The following TBATA variants were observed in gnomAD, a reference collection of about 807,000 sequenced individuals.
TBATA encodes the protein protein TBATA.
TBATA carries 47 observed loss-of-function variants against 38.7 expected under a neutral mutation model. That is an observed-to-expected ratio of 1.21 (90% confidence interval 0.96 to 1.55). The LOEUF (loss-of-function observed/expected upper bound fraction) is 1.55, where lower values mean the gene tolerates loss of function less well. Ranked by LOEUF, TBATA falls within the 40% of genes most tolerant of loss-of-function variation. TBATA has a pLI of 0.00. For synonymous variants in TBATA, 183 were observed against 170.5 expected (o/e 1.07, Z -0.57); for missense variants, 436 against 435.6 (o/e 1.00, Z -0.01).
chr10:70,780,928 A>T (rs956177678), intron 4 of TBATA, among the ~76,000 whole-genome samples: 20 of 152,216 alleles, frequency 1.3e-4, no homozygotes, highest in African/African-American at 4.3e-4. Flanking sequence ...AGCCACACTT[A>T]AGACAGAGGC....
intron 6 of TBATA, chr10:70,777,661 T>C: frequency 2.5e-6 from 1 of 402,298 alleles, no homozygotes; most frequent in Non-Finnish European, 4.7e-6. Flanking sequence ...TGCCCGCGGG[T>C]GGTTCTCGTT....
chr10:70,773,858 A>G (rs1370875778), intron 9 of TBATA, among the ~76,000 whole-genome samples: 1 of 152,220 alleles, frequency 6.6e-6, no homozygotes, highest in Non-Finnish European at 1.5e-5. Flanking sequence ...TAGTACTGGT[A>G]TAAAACCACT....
intron 4 of TBATA, 148 bp downstream of exon 4, chr10:70,781,653 G>T: frequency 5.3e-6 from 4 of 751,466 alleles, no homozygotes; most frequent in Non-Finnish European, 8.8e-6. Flanking sequence ...AGCAGTCCTG[G>T]CTGGGTTCTT....
intron 4 of TBATA, 47 bp from the exon 5 acceptor site, chr10:70,779,789 A>C (rs764332307): frequency 6.7e-7 from 1 of 1,500,662 alleles, no homozygotes; most frequent in Non-Finnish European, 8.8e-7. Flanking sequence ...GGTGGACCTT[A>C]AGAGCTCCAG....
At chr10:70,783,218 C>T (rs886345145) in intron 3 of TBATA, 121 bp downstream of exon 3, 11 of 1,161,360 alleles carry the variant, frequency 9.5e-6, no homozygotes, top group Non-Finnish European at 1.4e-5. Context: ...AGCAGAAGTC[C>T]AGTAAGAACC....
At chr10:70,775,137 G>A (rs1215813224) in intron 8 of TBATA, 52 bp downstream of exon 8, 1 of 1,539,772 alleles carries the variant, frequency 6.5e-7, no homozygotes, top group Non-Finnish European at 9.0e-7. Flanking sequence ...GAGATCAAGG[G>A]CAGGACCTTG....
At chr10:70,778,801 C>T in intron 5 of TBATA, 165 bp from the exon 6 acceptor site, 2 of 699,414 alleles carry the variant, frequency 2.9e-6, no homozygotes, top group Non-Finnish European at 5.2e-6. Flanking sequence ...GATCTGGATT[C>T]ACACCATGGG....
intron 7 of TBATA, chr10:70,776,447 T>C (rs1276859245): frequency 4.4e-6 from 2 of 455,720 alleles, no homozygotes; most frequent in Non-Finnish European, 8.8e-6. Flanking sequence ...ACCTGGCCCA[T>C]GGACTATCAC....
chr10:70,779,527 A>G, intron 5 of TBATA, 66 bp downstream of exon 5: 1 of 1,423,450 alleles, frequency 7.0e-7, no homozygotes, highest in Non-Finnish European at 9.2e-7. Flanking sequence ...GCACCCACCC[A>G]AGTGAGGCAG....
chr10:70,777,018 A>T, intron 7 of TBATA, 135 bp downstream of exon 7: 1 of 887,188 alleles, frequency 1.1e-6, no homozygotes, highest in Non-Finnish European at 1.6e-6. Context: ...CCTGCTGCTG[A>T]CTCCACAGGG....
At chr10:70,772,656 G>T in intron 9 of TBATA, 90 bp from the exon 10 acceptor site, 1 of 1,315,160 alleles carries the variant, frequency 7.6e-7, no homozygotes, top group Non-Finnish European at 1.1e-6. Flanking sequence ...TGGGGAAGGT[G>T]GTGCAGGTGC....
At chr10:70,783,587 CA>C (rs1398662339) in intron 2 of TBATA, 62 bp from the exon 3 acceptor site, 2 of 525,884 alleles carry the variant, frequency 3.8e-6, no homozygotes, top group Non-Finnish European at 6.9e-6. Context: ...TATCACCCAG[CA>C]ATTTCTTTCC....
At position 70,774,215 on chromosome 10, in the gene TBATA, G is replaced by A. The variant is rs1315101050; in HGVS notation, c.918C>T (p.Cys306=). ...GCAGGGCGGGGTGCGGGGCCCACCTGCAGGGTGGCTCTTGCTTCTCTTGAG... is the reference window on the plus strand; with the variant it reads ...GCAGGGCGGGGTGCGGGGCCCACCTACAGGGTGGCTCTTGCTTCTCTTGAG... ...EPPQEKQEPP[C]SQSPKKTKIS... Residue 306 remains cysteine, a splice_region_variant and synonymous_variant, in exon 9 of 11, where the codon TGC becomes TGT. Coordinates refer to ENST00000456372, the MANE Select transcript of TBATA (RefSeq NM_001318241.2). The A allele has an allele frequency of 3.1e-6, 5 of 1,611,950 alleles. No homozygotes were observed. The highest frequency in any genetic ancestry group is 4.2e-6 in the Non-Finnish European group (5 of 1,179,528).
In TBATA at chr10:70,772,574, C is replaced by A; in HGVS notation, c.921-8G>T. 1 of 1,614,070 alleles carries A rather than the reference C, an allele frequency of 6.2e-7. No individual in the cohort carries two copies. Among genetic ancestry groups the A allele is most frequent in the Non-Finnish European group, 8.5e-7 (1 of 1,179,978 alleles). ...GTTTTCTTCGGGGATTGACTGTGAC[C>A]AAATACAAAGAAGGGGCTGGGAAGG... is the stretch of plus-strand genomic sequence containing the variant. On this transcript the variant is annotated splice_region_variant and splice_polypyrimidine_tract_variant and intron_variant, in intron 9 of 10. Transcript: ENST00000456372.
rs765309690 is a variant in TBATA, at chr10:70,771,387, C to A, written c.1048G>T (p.Ala350Ser). 3 of 1,614,196 alleles carry A rather than the reference C, an allele frequency of 1.9e-6. No individual in the cohort carries two copies. The highest frequency in any genetic ancestry group is 2.5e-6 in the Non-Finnish European group (3 of 1,180,030). The change falls in exon 11 of 11, where the codon GCA (alanine) becomes TCA (serine). Residue 350 changes from alanine (A) to serine (S), a missense_variant. By Grantham distance (99) the Ala-to-Ser change is moderately conservative (BLOSUM62 1). Coordinates refer to ENST00000456372, the MANE Select transcript of TBATA (RefSeq NM_001318241.2). ...NTEKKTSKPR[A>S]ES Reference sequence around the variant, plus strand: ...AGTGTTAGGGCCCCTCAGCTCTCTGCCCTCGGCTTCGATGTCTTCTTCTCT... The same window carrying A: ...AGTGTTAGGGCCCCTCAGCTCTCTGACCTCGGCTTCGATGTCTTCTTCTCT...
chr10:70,780,861 A>G (rs934907271), intron 4 of TBATA, among the ~76,000 whole-genome samples: 1 of 152,082 alleles, frequency 6.6e-6, no homozygotes, highest in Admixed American at 6.5e-5. Context: ...CTGACTTTAC[A>G]TTTCACATAT....
At chr10:70,775,332 A>G in intron 7 of TBATA, 62 bp from the exon 8 acceptor site, 1 of 1,447,800 alleles carries the variant, frequency 6.9e-7, no homozygotes, top group African/African-American at 1.4e-5. Context: ...AGGCAAATGT[A>G]GGTTTGGAGG....
Position 70,779,685 on chromosome 10 carries a change from G to T in TBATA, c.335C>A (p.Ser112Ter). ...VRDFPAPLPE[S>*]TVFSGCQMGI... ...CATTTGACAGCCGGAAAAGACAGTT[G>T]ACTCAGGCAAGGGGGCTGGAAAATC... The change falls in exon 5 of 11, where the codon TCA (serine) becomes TAA (stop). Residue 112 changes from serine (S) to a stop codon, truncating the protein, a stop_gained. Transcript: ENST00000456372. LOFTEE classifies it high-confidence loss of function. 1 of 1,539,950 alleles carries T rather than the reference G, an allele frequency of 6.5e-7. No individual in the cohort carries two copies. The highest frequency in any genetic ancestry group is 8.7e-7 in the Non-Finnish European group (1 of 1,152,546).
Position 70,775,272 on chromosome 10 carries a change from T to G in TBATA, c.694-2A>C. On this transcript the variant is annotated splice_acceptor_variant, in intron 7 of 10. Transcript: ENST00000456372. LOFTEE classifies it high-confidence loss of function. ...GATCCGACACAGGAGCTCCAGGACCTGTGGGCAGGAGGCCAGCACATTCCA... is the reference window on the plus strand; with the variant it reads ...GATCCGACACAGGAGCTCCAGGACCGGTGGGCAGGAGGCCAGCACATTCCA... 6.2e-7 allele frequency: 1 copy of G among 1,613,814 alleles called. No individual in the cohort carries two copies. The highest frequency in any genetic ancestry group is 8.5e-7 in the Non-Finnish European group (1 of 1,179,738).
Sources: gnomAD v4.1 joint callset for allele counts (sites outside exome capture counted in the v4.1 genomes callset) on GRCh38, gnomAD v4.1.1 for gene constraint, MANE v1.5 for transcripts, NCBI Gene and HGNC (gene_info 2026-07-23, HGNC 2026-07-21) for gene names.